The following CLIP1 variants were observed in gnomAD, a reference collection of about 807,000 sequenced individuals.
CLIP1 encodes CAP-Gly domain-containing linker protein 1.
CLIP1 carries 66 observed loss-of-function variants against 161.6 expected under a neutral mutation model. The ratio of observed to expected loss-of-function variants is 0.41; its 90% CI spans 0.33 to 0.50. CLIP1 has a LOEUF of 0.50. CLIP1 is among the 20% of genes least tolerant of loss of function. CLIP1 has a pLI of 0.27. For missense variants in CLIP1, 1,376 were observed against 1,702.0 expected, an observed-to-expected ratio of 0.81 and a Z score of 3.37; for synonymous variants, 598 against 626.2, an observed-to-expected ratio of 0.96 and a Z score of 0.67.
At chr12:122,413,681 G>A (rs1340754228) in intron 1 of CLIP1, among the ~76,000 whole-genome samples, 2 of 152,104 alleles carry the variant, frequency 1.3e-5, no homozygotes, top group East Asian at 3.8e-4. Context: ...CTTCCCCAGG[G>A]TAAGAGACAC....
At chr12:122,334,893 C>G (rs981242409) in intron 12 of CLIP1, among the ~76,000 whole-genome samples, 188 bp from the exon 13 acceptor site, 18 of 152,170 alleles carry the variant, frequency 1.2e-4, no homozygotes, top group African/African-American at 4.1e-4. Flanking sequence ...TGTATACACA[C>G]AAAAGAGTGC....
At chr12:122,395,814 T>A (rs1470521010) in intron 1 of CLIP1, 1 of 152,220 alleles carries the variant, frequency 6.6e-6, no homozygotes, top group Non-Finnish European at 1.5e-5. Context: ...AGGATTGGGC[T>A]ACATTTAAGC....
intron 1 of CLIP1, among the ~76,000 whole-genome samples, chr12:122,411,863 G>GA (rs1175076815): frequency 5.3e-5 from 8 of 151,044 alleles, no homozygotes; most frequent in African/African-American, 1.7e-4. Flanking sequence ...GGGAGAAAAG[G>GA]AAAAAAAATG....
chr12:122,358,436 T>TAAAAA (rs1189999010), intron 5 of CLIP1, among the ~76,000 whole-genome samples: 1 of 94,882 alleles, frequency 1.1e-5, no homozygotes. Context: ...AATGAACAAT[T>TAAAAA]AAAAAAAAAA....
chr12:122,405,210 G>A (rs1017728540), intron 1 of CLIP1, among the ~76,000 whole-genome samples: 3 of 151,954 alleles, frequency 2.0e-5, no homozygotes, highest in Admixed American at 6.6e-5. Flanking sequence ...AATCCCATGA[G>A]ACGTTCTGTC....
rs1953770912 is a variant in CLIP1 at position 122,361,073 on chromosome 12, C to T, written c.891G>A (p.Arg297=). ...TGGCGGACGTGGTCGCCATCACTCGCCTCACTGCGTTGGCCTTGGCTTTGG... is the reference window on the plus strand; with the variant it reads ...TGGCGGACGTGGTCGCCATCACTCGTCTCACTGCGTTGGCCTTGGCTTTGG... ...TPAKAKANAV[R]RVMATTSASL... Residue 297 remains arginine (R), a synonymous_variant, in exon 5 of 26, where the codon AGG becomes AGA. Coordinates refer to ENST00000620786, the MANE Select transcript of CLIP1 (RefSeq NM_001247997.2). The T allele has an allele frequency of 2.5e-6, 4 of 1,614,156 alleles. No individual in the cohort carries two copies. The highest frequency in any genetic ancestry group is 3.4e-6 in the Non-Finnish European group (4 of 1,180,062).
At position 122,407,748 on chromosome 12, in the gene CLIP1, C is replaced by CAAAAAAAAAAA. The variant is rs35500806; in HGVS notation, c.-107+14762_-107+14772dup. On this transcript the variant is annotated intron_variant, in intron 1 of 25. Coordinates refer to ENST00000620786, the MANE Select transcript of CLIP1 (RefSeq NM_001247997.2). ...GAGGGTTTTTGGTGAGACCCTGTCTCAAAAAAAAAAAAAAAAAAAAAAAAA... is the reference window on the plus strand; with the variant it reads ...GAGGGTTTTTGGTGAGACCCTGTCTCAAAAAAAAAAAAAAAAAAAAAAAAAAAAAAAAAAAA... 2.6e-4 allele frequency among the ~76,000 whole-genome samples: 10 copies of CAAAAAAAAAAA among 38,336 alleles called. 1 individual carries two copies. The highest frequency in any genetic ancestry group is 1.1e-3 in the African/African-American group (8 of 7,168). 25.1% of individuals were successfully genotyped at this position (38,336 alleles called of 152,430 possible). A position where few individuals can be genotyped will look rare whatever the true frequency, so the allele number is the denominator to read the frequency against.
intron 21 of CLIP1, among the ~76,000 whole-genome samples, chr12:122,286,520 TAAAA>T (rs57260606): frequency 4.1e-3 from 117 of 28,230 alleles, no homozygotes; most frequent in South Asian, 0.013. Flanking sequence ...GACTCTGTCT[TAAAA>T]AAAAAAAAAA....
intron 21 of CLIP1, among the ~76,000 whole-genome samples, chr12:122,284,799 T>C (rs181454855): frequency 3.3e-5 from 5 of 152,186 alleles, no homozygotes; most frequent in East Asian, 3.9e-4. Context: ...AATAAATAAA[T>C]AAAAAGCTTA....
intron 5 of CLIP1, 194 bp downstream of exon 5, chr12:122,360,765 T>C: frequency 1.8e-6 from 1 of 547,414 alleles, no homozygotes; most frequent in Non-Finnish European, 3.2e-6. Context: ...AAAAGCACTT[T>C]CTGATTTCAA....
chr12:122,296,398 T>C (rs1178790193), intron 20 of CLIP1, among the ~76,000 whole-genome samples: 1 of 152,206 alleles, frequency 6.6e-6, no homozygotes, highest in Non-Finnish European at 1.5e-5. Flanking sequence ...TGGAGTAATA[T>C]GTACAATATG....
At chr12:122,422,721 C>CCCGGCCGGCCGGCCCGG (rs576719946), upstream of CLIP1, 1 of 137,612 alleles carries the variant, frequency 7.3e-6, no homozygotes, top group African/African-American at 2.6e-5. Context: ...GCCGCGCCCG[C>CCCGGCCGGCCGGCCCGG]CCGGCCGGCC....
At chr12:122,353,632 TTTTC>T (rs1953162581) in intron 7 of CLIP1, among the ~76,000 whole-genome samples, 1 of 147,752 alleles carries the variant, frequency 6.8e-6, no homozygotes, top group African/African-American at 2.5e-5. Flanking sequence ...ATAAATAATG[TTTTC>T]TTTTTTTTTT....
rs139306290 is a variant in CLIP1 at position 122,384,151 on chromosome 12, C to T, written c.-106-3593G>A. Among the ~76,000 whole-genome samples the T allele has an allele frequency of 3.3e-3, 495 of 152,292 alleles. 3 individuals carry two copies. Among genetic ancestry groups the T allele is most frequent in the African/African-American group, 0.011 (470 of 41,558 alleles). On this transcript the variant is annotated intron_variant, in intron 1 of 25. Transcript: ENST00000620786. ...GATGTGTTTCCTCACTTGTTCATCA[C>T]CTGTCTCCTAAGGTCATTCTGCTCA... is the stretch of plus-strand genomic sequence containing the variant.
intron 4 of CLIP1, among the ~76,000 whole-genome samples, chr12:122,362,940 T>A (rs912750364): frequency 2.6e-5 from 4 of 152,128 alleles, no homozygotes; most frequent in African/African-American, 9.7e-5. Flanking sequence ...GAGAGCTTTA[T>A]CTCTATGAGT....
chr12:122,361,763 C>T (rs988202135), intron 4 of CLIP1, among the ~76,000 whole-genome samples: 7 of 152,074 alleles, frequency 4.6e-5, no homozygotes, highest in African/African-American at 1.7e-4. Flanking sequence ...CCCAAGAGGT[C>T]AAGGCTGAAG....
chr12:122,364,556 C>T (rs1280240702), intron 3 of CLIP1, among the ~76,000 whole-genome samples: 1 of 151,970 alleles, frequency 6.6e-6, no homozygotes, highest in Non-Finnish European at 1.5e-5. Flanking sequence ...GTGCACACCA[C>T]CAAACAGGCT....
At chr12:122,341,869 C>G in intron 10 of CLIP1, 172 bp from the exon 11 acceptor site, 2 of 440,774 alleles carry the variant, frequency 4.5e-6, no homozygotes, top group Non-Finnish European at 7.6e-6. Flanking sequence ...CTGCAACCTC[C>G]ACCTCCTGGG....
intron 14 of CLIP1, 22 bp from the exon 15 acceptor site, chr12:122,333,165 G>C (rs757472506): frequency 6.3e-7 from 1 of 1,580,140 alleles, no homozygotes; most frequent in Non-Finnish European, 8.6e-7. Context: ...GAGAAAAAAA[G>C]AATAGCACGG....
Sources: gnomAD v4.1 joint callset for allele counts (sites outside exome capture counted in the v4.1 genomes callset) on GRCh38, gnomAD v4.1.1 for gene constraint, MANE v1.5 for transcripts, NCBI Gene and HGNC (gene_info 2026-07-23, HGNC 2026-07-21) for gene names.